The following CHRM3 variants were observed in gnomAD, a reference collection of about 807,000 sequenced individuals.
CHRM3 encodes muscarinic acetylcholine receptor M3.
Under a neutral mutation model 41.8 loss-of-function variants are expected in CHRM3, and 11 were observed. The observed-to-expected ratio is 0.26, with a 90% CI of 0.17 to 0.44. The LOEUF (loss-of-function observed/expected upper bound fraction) is 0.44, where lower values mean the gene tolerates loss of function less well. Among genes scored for constraint, CHRM3 ranks in the 20% least tolerant of loss-of-function variants. CHRM3 has a pLI of 1.00. For missense variants in CHRM3, 571 were observed against 745.4 expected (o/e 0.77, Z 2.72); for synonymous variants, 297 against 301.4 (o/e 0.99, Z 0.15).
intron 2 of CHRM3, among the ~76,000 whole-genome samples, chr1:239,505,742 T>C (rs369322710): frequency 1.3e-5 from 2 of 152,156 alleles, no homozygotes; most frequent in African/African-American, 2.4e-5. Context: ...GCAGATGTTG[T>C]AAGAGTTTGG....
At chr1:239,685,377 T>C (rs1472098341) in intron 5 of CHRM3, among the ~76,000 whole-genome samples, 1 of 152,224 alleles carries the variant, frequency 6.6e-6, no homozygotes, top group Non-Finnish European at 1.5e-5. Flanking sequence ...AGTTCACTAT[T>C]AGTGGCAATT....
At chr1:239,489,436 G>A (rs1479902122) in intron 1 of CHRM3, among the ~76,000 whole-genome samples, 1 of 151,902 alleles carries the variant, frequency 6.6e-6, no homozygotes, top group African/African-American at 2.4e-5. Context: ...TTGGGGGTCA[G>A]TTAGGAACAA....
rs1197130331 is a variant in CHRM3 at position 239,912,712 on chromosome 1, C to G, written c.*3488C>G. 1 of 167,088 alleles carries G rather than the reference C, an allele frequency of 6.0e-6. No homozygotes were observed. Among genetic ancestry groups the G allele is most frequent in the South Asian group, 2.1e-4 (1 of 4,822 alleles). The allele number at this position is 167,088 out of a possible 1,614,324, so 10.4% of individuals were successfully genotyped here. On this transcript the variant is annotated 3_prime_UTR_variant, in exon 7 of 7. Transcript: ENST00000676153. ...TACCAGAGTGGCACAGAGAAGGATT[C>G]CAGGGATCAGTCAGGGTGTCCTGTA...
At chr1:239,564,738 A>G (rs1661189898) in intron 3 of CHRM3, among the ~76,000 whole-genome samples, 3 of 152,210 alleles carry the variant, frequency 2.0e-5, no homozygotes. Context: ...AGGAAAAAGT[A>G]TGTGAAAACA....
chr1:239,400,633 G>A (rs1398956150), intron 1 of CHRM3, among the ~76,000 whole-genome samples: 1 of 152,104 alleles, frequency 6.6e-6, no homozygotes, highest in Non-Finnish European at 1.5e-5. Context: ...TTTGTATTTG[G>A]TGTGAGATAA....
At chr1:239,760,559 A>T (rs976703616) in intron 5 of CHRM3, among the ~76,000 whole-genome samples, 39 of 151,686 alleles carry the variant, frequency 2.6e-4, no homozygotes, top group African/African-American at 9.2e-4. Flanking sequence ...CTTTCCTTAC[A>T]CTAGTCCCTC....
intron 3 of CHRM3, among the ~76,000 whole-genome samples, chr1:239,609,694 TGTCTAGTG>T (rs1281968606): frequency 6.6e-6 from 1 of 152,216 alleles, no homozygotes; most frequent in African/African-American, 2.4e-5. Flanking sequence ...TTTTAGTGGA[TGTCTAGTG>T]GTACTTGTTT....
At chr1:239,822,465 A>G (rs1428445585) in intron 5 of CHRM3, among the ~76,000 whole-genome samples, 1 of 152,236 alleles carries the variant, frequency 6.6e-6, no homozygotes, top group South Asian at 2.1e-4. Flanking sequence ...TGCGGTGATT[A>G]TAATGATTTA....
chr1:239,668,089 C>CTTTTTTTTTTTTTT (rs1221135009), intron 4 of CHRM3, among the ~76,000 whole-genome samples: 3 of 75,598 alleles, frequency 4.0e-5, no homozygotes, highest in Non-Finnish European at 7.9e-5. Flanking sequence ...TTTCCCCTTT[C>CTTTTTTTTTTTTTT]TTTTTTTTTT....
intron 6 of CHRM3, among the ~76,000 whole-genome samples, chr1:239,872,704 C>T (rs996869432): frequency 1.3e-5 from 2 of 151,998 alleles, no homozygotes; most frequent in African/African-American, 4.8e-5. Flanking sequence ...TAGAAAAATC[C>T]GAATGTAACA....
At position 239,598,009 on chromosome 1, in the gene CHRM3, T is replaced by A. The variant is rs553945819; in HGVS notation, c.-312-34215T>A. 2.6e-5 allele frequency among the ~76,000 whole-genome samples: 4 copies of A among 152,196 alleles called. No homozygotes were observed. In the East Asian group the frequency reaches 7.7e-4, roughly 29 times the overall value. ...AGCGAGACTTGACTTAGACATTCAC[T>A]TCTGCATCATAAAATTAATTCCTGG... On this transcript the variant is annotated intron_variant, in intron 3 of 6. Transcript: ENST00000676153.
At chr1:239,777,498 A>C (rs187765846) in intron 5 of CHRM3, among the ~76,000 whole-genome samples, 1 of 152,244 alleles carries the variant, frequency 6.6e-6, no homozygotes, top group Non-Finnish European at 1.5e-5. Flanking sequence ...CTGAATGGCA[A>C]TGGAAACTTC....
intron 5 of CHRM3, among the ~76,000 whole-genome samples, chr1:239,780,464 C>T (rs904898469): frequency 6.6e-6 from 1 of 152,108 alleles, no homozygotes; most frequent in African/African-American, 2.4e-5. Flanking sequence ...ATTTTTTAAT[C>T]AGGTGGTTGG....
intron 1 of CHRM3, among the ~76,000 whole-genome samples, chr1:239,412,582 A>T (rs985285362): frequency 6.6e-6 from 1 of 151,492 alleles, no homozygotes; most frequent in Admixed American, 6.6e-5. Context: ...TGAAATGAGT[A>T]TATGTGTGCA....
chr1:239,415,769 A>G (rs1206064843), intron 1 of CHRM3, among the ~76,000 whole-genome samples: 1 of 152,176 alleles, frequency 6.6e-6, no homozygotes, highest in Non-Finnish European at 1.5e-5. Flanking sequence ...TTCTAACACA[A>G]TTCTAATCAT....
chr1:239,671,654 AAC>A (rs1674379225), intron 4 of CHRM3, among the ~76,000 whole-genome samples: 1 of 152,190 alleles, frequency 6.6e-6, no homozygotes, highest in African/African-American at 2.4e-5. Flanking sequence ...CATTATTGAA[AAC>A]AGTTATTTTA....
At chr1:239,771,739 A>G (rs190143778) in intron 5 of CHRM3, among the ~76,000 whole-genome samples, 1 of 152,364 alleles carries the variant, frequency 6.6e-6, no homozygotes, top group Non-Finnish European at 1.5e-5. Context: ...AGCCAGAGAT[A>G]ATACACACAC....
intron 5 of CHRM3, among the ~76,000 whole-genome samples, chr1:239,697,724 G>A (rs927150741): frequency 1.2e-4 from 19 of 152,106 alleles, no homozygotes; most frequent in Admixed American, 2.0e-4. Flanking sequence ...TCCAAAGGCC[G>A]AAGAGCTAAA....
chr1:239,606,771 T>C (rs1217354607), intron 3 of CHRM3, among the ~76,000 whole-genome samples: 1 of 152,152 alleles, frequency 6.6e-6, no homozygotes, highest in Admixed American at 6.5e-5. Context: ...GGGAGCTGTG[T>C]TTTTGATTTG....
Sources: gnomAD v4.1 joint callset for allele counts (sites outside exome capture counted in the v4.1 genomes callset) on GRCh38, gnomAD v4.1.1 for gene constraint, MANE v1.5 for transcripts, NCBI Gene and HGNC (gene_info 2026-07-23, HGNC 2026-07-21) for gene names.